GAS7: variants seen among roughly 807,000 people sequenced by gnomAD.
The protein encoded by GAS7 is growth arrest-specific protein 7.
A neutral mutation model predicts 71.1 loss-of-function variants in GAS7; 28 were observed. The ratio of observed to expected loss-of-function variants is 0.39; its 90% confidence interval spans 0.29 to 0.54. The LOEUF (loss-of-function observed/expected upper bound fraction) is 0.54, where lower values mean the gene tolerates loss of function less well. GAS7 is among the 20% of genes least tolerant of loss of function. The probability of loss-of-function intolerance (pLI) is 0.62; values close to 1 mark genes in which losing one functional copy is unlikely to be tolerated. For synonymous variants in GAS7, 258 were observed against 245.8 expected (o/e 1.05, Z -0.46); for missense variants, 436 against 627.8 (o/e 0.69, Z 3.27).
In GAS7 at chr17:9,916,090, AAGAG is replaced by A. The variant is rs1877681291; in HGVS notation, c.*1134_*1137del. ...AAAGGCGACAACCTAGTGTGGCCAC[AAGAG>A]AGTCTGCTATGCCTGTCCAGTGCCC... On this transcript the variant is annotated 3_prime_UTR_variant, in exon 14 of 14. Transcript: ENST00000432992. The A allele has an allele frequency of 4.3e-6, 1 of 233,298 alleles. No individual in the cohort carries two copies. Among genetic ancestry groups the A allele is most frequent in the African/African-American group, 2.2e-5 (1 of 45,462 alleles). The allele number at this position is 233,298 out of a possible 1,614,324, so 14.5% of individuals were successfully genotyped here.
intron 1 of GAS7, among the ~76,000 whole-genome samples, chr17:10,094,725 C>A (rs1324973526): frequency 6.6e-6 from 1 of 152,122 alleles, no homozygotes. Context: ...GCCTCGGCCT[C>A]CCAAAGTGCT....
At chr17:10,141,176 G>C (rs541664754) in intron 1 of GAS7, among the ~76,000 whole-genome samples, 1 of 152,230 alleles carries the variant, frequency 6.6e-6, no homozygotes, top group African/African-American at 2.4e-5. Flanking sequence ...GGGGCCGGGC[G>C]CGGTGGCTCA....
chr17:10,004,635 G>T (rs1452878707), intron 2 of GAS7, among the ~76,000 whole-genome samples: 1 of 152,208 alleles, frequency 6.6e-6, no homozygotes, highest in Non-Finnish European at 1.5e-5. Context: ...CATACCTGTT[G>T]ACTAATAAGT....
chr17:10,145,034 A>T (rs9895395), intron 1 of GAS7, among the ~76,000 whole-genome samples: 118,161 of 152,124 alleles, frequency 0.78, 45,990 homozygotes, highest in South Asian at 0.87. Flanking sequence ...AGAAGGAGTT[A>T]GTAGGTTCCA....
intron 2 of GAS7, among the ~76,000 whole-genome samples, chr17:9,995,934 G>T (rs1371943658): frequency 6.6e-6 from 1 of 152,154 alleles, no homozygotes; most frequent in Non-Finnish European, 1.5e-5. Flanking sequence ...GGAGTGAAAG[G>T]CTCCAAAACA....
intron 2 of GAS7, among the ~76,000 whole-genome samples, chr17:10,009,690 C>CAA (rs1567888010): frequency 2.0e-4 from 27 of 137,928 alleles, no homozygotes; most frequent in African/African-American, 6.6e-4. Flanking sequence ...AAAAAAAAAA[C>CAA]CAAACAAAAA....
chr17:10,149,840 C>T (rs924878396), intron 1 of GAS7, among the ~76,000 whole-genome samples: 1 of 152,140 alleles, frequency 6.6e-6, no homozygotes, highest in Non-Finnish European at 1.5e-5. Context: ...ATAAGCCAGA[C>T]ACAAAAGGCC....
intron 1 of GAS7, among the ~76,000 whole-genome samples, chr17:10,098,935 G>A (rs1160379727): frequency 6.6e-6 from 1 of 152,148 alleles, no homozygotes; most frequent in Non-Finnish European, 1.5e-5. Flanking sequence ...CAGCCTGGAT[G>A]ACAGAGCGAG....
chr17:10,117,076 ACAGGGCTAAAGTCAAGATGTCTG>A, intron 1 of GAS7, among the ~76,000 whole-genome samples: 1 of 152,290 alleles, frequency 6.6e-6, no homozygotes, highest in East Asian at 1.9e-4. Flanking sequence ...AACAGGTTTC[ACAGGGCTAAAGTCAAGATGTCTG>A]CAGGGCTGGC....
intron 1 of GAS7, among the ~76,000 whole-genome samples, chr17:10,178,399 G>A (rs190895188): frequency 2.6e-5 from 4 of 152,092 alleles, no homozygotes; most frequent in African/African-American, 7.2e-5. Flanking sequence ...AGAGGACTCT[G>A]CATAGATGAG....
intron 1 of GAS7, chr17:10,061,377 T>C (rs1175574245): frequency 6.6e-6 from 1 of 152,260 alleles, no homozygotes; most frequent in East Asian, 1.9e-4. Flanking sequence ...ACCAGGGGAC[T>C]GTGTGTTTGG....
rs1294805086 is a variant in GAS7, at chr17:10,198,360, G to C, written c.31C>G (p.Pro11Ala). Residue 11 changes from proline (P) to alanine (A), a missense_variant, in exon 1 of 14, where the codon CCC becomes GCC. Coordinates refer to ENST00000432992, the MANE Select transcript of GAS7 (RefSeq NM_201433.2). ...TGGCCGTGCCGCTCCCCGGAGAAGG[G>C]GTACAGGGTCCGGCAGCGAGCGCCG... MSGARCRTLY[P>A]FSGERHGQGL... The C allele has an allele frequency of 6.3e-7, 1 of 1,596,328 alleles. No homozygotes were observed. Among genetic ancestry groups the C allele is most frequent in the Non-Finnish European group, 8.5e-7 (1 of 1,178,128 alleles).
intron 1 of GAS7, among the ~76,000 whole-genome samples, chr17:10,099,206 C>A (rs1431387969): frequency 6.6e-6 from 1 of 152,118 alleles, no homozygotes; most frequent in East Asian, 1.9e-4. Flanking sequence ...TGGAGACACA[C>A]CCATCCAAAC....
intron 1 of GAS7, among the ~76,000 whole-genome samples, chr17:10,049,522 T>C (rs1245370891): frequency 6.6e-6 from 1 of 152,092 alleles, no homozygotes; most frequent in African/African-American, 2.4e-5. Context: ...TTCAATTCTA[T>C]TTCTTTCACC....
intron 1 of GAS7, among the ~76,000 whole-genome samples, chr17:10,143,674 A>C (rs905008202): frequency 2.0e-4 from 31 of 152,310 alleles, no homozygotes; most frequent in African/African-American, 7.0e-4. Context: ...ACAGGTACAG[A>C]GGGAGGACCA....
chr17:9,975,365 A>G (rs1244264105), intron 3 of GAS7, among the ~76,000 whole-genome samples: 1 of 148,852 alleles, frequency 6.7e-6, no homozygotes, highest in Non-Finnish European at 1.5e-5. Context: ...AAAACAAACC[A>G]AAAAAAACAA....
chr17:10,055,207 A>G (rs543091953), intron 1 of GAS7, among the ~76,000 whole-genome samples: 1 of 152,204 alleles, frequency 6.6e-6, no homozygotes, highest in African/African-American at 2.4e-5. Flanking sequence ...AGAGATGCCC[A>G]TGGGTAGCAA....
intron 5 of GAS7, among the ~76,000 whole-genome samples, chr17:9,950,533 A>G (rs2068961917): frequency 2.6e-5 from 4 of 152,142 alleles, no homozygotes; most frequent in Admixed American, 2.6e-4. Context: ...GAATCTAATG[A>G]TAAGTGGGGA....
rs537919451 is a variant in GAS7, at chr17:10,084,149, T to C, written c.184-64252A>G. On this transcript the variant is annotated intron_variant, in intron 1 of 13. Coordinates refer to ENST00000432992, the MANE Select transcript of GAS7 (RefSeq NM_201433.2). The stretch of plus-strand genomic sequence containing the variant: ...TGCCACTGCACTCCAGCCTGGGCAA[T>C]AGAGCGAGACTCCATCTCAAAAAAA... Among the ~76,000 whole-genome samples the C allele has an allele frequency of 1.0e-3, 157 of 152,066 alleles. 1 individual carries two copies. Among genetic ancestry groups the C allele is most frequent in the African/African-American group, 1.6e-3 (65 of 41,464 alleles).
Sources: allele counts gnomAD v4.1 joint callset (sites outside exome capture counted in the v4.1 genomes callset), GRCh38; gene constraint gnomAD v4.1.1; transcripts MANE v1.5; gene names NCBI Gene and HGNC (gene_info 2026-07-23, HGNC 2026-07-21).